The following WDR70 variants were observed in gnomAD, a reference collection of about 807,000 sequenced individuals.
WDR70 encodes WD repeat-containing protein 70.
A neutral mutation model predicts 88.6 loss-of-function variants in WDR70; 53 were observed. The observed-to-expected ratio is 0.60, with a 90% CI of 0.48 to 0.75. The LOEUF (loss-of-function observed/expected upper bound fraction) is 0.75. Ranked by LOEUF, WDR70 falls within the 30% of genes least tolerant of loss-of-function variation. WDR70 has a pLI of 0.00. For missense variants in WDR70, 610 were observed against 823.2 expected, an observed-to-expected ratio of 0.74 and a Z score of 3.17; for synonymous variants, 280 against 270.0, an observed-to-expected ratio of 1.04 and a Z score of -0.36.
intron 13 of WDR70, among the ~76,000 whole-genome samples, chr5:37,708,574 A>G (rs13159969): frequency 0.43 from 65,719 of 151,988 alleles, 15,845 homozygotes; most frequent in Non-Finnish European, 0.54. Context: ...AAGAGAGAAT[A>G]TTGATGTTTT....
chr5:37,688,144 T>A (rs573817321), intron 10 of WDR70: 1 of 411,990 alleles, frequency 2.4e-6, no homozygotes, highest in East Asian at 3.5e-5. Context: ...AATTGAATGA[T>A]AAAGTATTAT....
At chr5:37,514,504 C>T (rs1003457640) in intron 8 of WDR70, among the ~76,000 whole-genome samples, 23 of 150,722 alleles carry the variant, frequency 1.5e-4, no homozygotes, top group Admixed American at 7.9e-4. Context: ...GGTATTAACC[C>T]CAGCATCCAT....
intron 7 of WDR70, among the ~76,000 whole-genome samples, chr5:37,461,339 C>T: frequency 6.6e-6 from 1 of 152,098 alleles, no homozygotes; most frequent in Non-Finnish European, 1.5e-5. Context: ...CTTGTATCTC[C>T]TTACCTTCTT....
At chr5:37,677,019 CAT>C (rs1746247119) in intron 10 of WDR70, among the ~76,000 whole-genome samples, 1 of 152,160 alleles carries the variant, frequency 6.6e-6, no homozygotes. Flanking sequence ...AGTTTATTTG[CAT>C]AGAGGTGTTT....
intron 9 of WDR70, among the ~76,000 whole-genome samples, chr5:37,574,790 T>G (rs1344706835): frequency 6.6e-6 from 1 of 152,222 alleles, no homozygotes; most frequent in Non-Finnish European, 1.5e-5. Context: ...CATGTATTAA[T>G]AATTGACTAG....
At chr5:37,622,583 C>A (rs1207673203) in intron 10 of WDR70, among the ~76,000 whole-genome samples, 1 of 152,120 alleles carries the variant, frequency 6.6e-6, no homozygotes, top group Non-Finnish European at 1.5e-5. Context: ...GAGTTCATGT[C>A]CTTTGTAGGG....
At chr5:37,686,858 A>G (rs895880128) in intron 10 of WDR70, among the ~76,000 whole-genome samples, 3 of 150,984 alleles carry the variant, frequency 2.0e-5, no homozygotes, top group African/African-American at 7.3e-5. Flanking sequence ...GATATTCTCC[A>G]AATCATAGTG....
intron 2 of WDR70, 36 bp downstream of exon 2, chr5:37,379,590 G>C (rs745590955): frequency 6.2e-7 from 1 of 1,610,960 alleles, no homozygotes; most frequent in Admixed American, 1.7e-5. Context: ...CCTCTTCCTT[G>C]TGCAGAGGTT....
intron 10 of WDR70, among the ~76,000 whole-genome samples, chr5:37,638,017 C>T (rs1406599247): frequency 6.6e-6 from 1 of 152,114 alleles, no homozygotes; most frequent in African/African-American, 2.4e-5. Context: ...CAGCCTGGTT[C>T]TGAGTCTGGA....
chr5:37,691,582 G>A lies in WDR70; in HGVS notation c.1093-6073G>A, dbSNP rs554056406. Among the ~76,000 whole-genome samples, 3 of 152,272 alleles carry A rather than the reference G, an allele frequency of 2.0e-5. No individual in the cohort carries two copies. The East Asian group carries it at 5.8e-4, about 29-fold the overall frequency. On this transcript the variant is annotated intron_variant, in intron 10 of 17. Transcript: ENST00000265107. ...TCACTCAAAACTGCACAAGTACATG[G>A]AAACTGAACAACCTGCTCCTGAATG...
intron 9 of WDR70, among the ~76,000 whole-genome samples, chr5:37,557,000 T>A (rs1420979691): frequency 6.6e-6 from 1 of 152,342 alleles, no homozygotes; most frequent in East Asian, 1.9e-4. Context: ...TTCACTGGGC[T>A]TAATATTTCG....
At chr5:37,535,166 A>T (rs1002622369) in intron 9 of WDR70, among the ~76,000 whole-genome samples, 1 of 152,134 alleles carries the variant, frequency 6.6e-6, no homozygotes, top group Non-Finnish European at 1.5e-5. Flanking sequence ...AACGATAAAG[A>T]GTAGGAGAGA....
chr5:37,466,694 A>C (rs1286315457), intron 7 of WDR70, among the ~76,000 whole-genome samples: 1 of 119,922 alleles, frequency 8.3e-6, no homozygotes, highest in Non-Finnish European at 1.7e-5. Context: ...CGACAGAGCG[A>C]GACTCCATCT....
intron 10 of WDR70, among the ~76,000 whole-genome samples, chr5:37,690,725 G>A (rs1245497897): frequency 1.3e-5 from 2 of 152,164 alleles, no homozygotes; most frequent in Non-Finnish European, 2.9e-5. Context: ...AACATGAAAA[G>A]AAATAACCAG....
chr5:37,530,773 G>GTT (rs57043165), intron 9 of WDR70, among the ~76,000 whole-genome samples: 3,427 of 127,874 alleles, frequency 0.027, 135 homozygotes, highest in African/African-American at 0.09. Context: ...TTTATCTTTT[G>GTT]TTTTTTTTTT....
At position 37,417,639 on chromosome 5, in the gene WDR70, A is replaced by T. The variant is rs188970387; in HGVS notation, c.493-20283A>T. 4.6e-5 allele frequency among the ~76,000 whole-genome samples: 7 copies of T among 151,904 alleles called. No individual in the cohort carries two copies. The East Asian group carries it at 1.4e-3, about 29-fold the overall frequency. On this transcript the variant is annotated intron_variant, in intron 5 of 17. Coordinates refer to ENST00000265107, the MANE Select transcript of WDR70 (RefSeq NM_018034.4). The stretch of plus-strand genomic sequence containing the variant: ...CTGTGACCTCAAATTCCTGGGCTTA[A>T]GTGATTCTCCTGTCTCAGCCTTCTG...
rs1398935896 is a variant in WDR70 at position 37,450,821 on chromosome 5, C to T, written c.686+7449C>T. Among the ~76,000 whole-genome samples the T allele has an allele frequency of 2.0e-5, 3 of 152,074 alleles. No individual in the cohort carries two copies. The East Asian group carries it at 5.8e-4, about 29-fold the overall frequency. On this transcript the variant is annotated intron_variant, in intron 7 of 17. Transcript: ENST00000265107. ...CACAAATGGTCTTTGTTAAATTTAT[C>T]TGTGTGTGTATATATTTATGTGTGT...
intron 10 of WDR70, among the ~76,000 whole-genome samples, chr5:37,664,831 G>T (rs1745793312): frequency 6.6e-6 from 1 of 152,190 alleles, no homozygotes; most frequent in Non-Finnish European, 1.5e-5. Flanking sequence ...TTAATTGGTT[G>T]TTCTTCTATA....
intron 9 of WDR70, among the ~76,000 whole-genome samples, chr5:37,572,968 C>T (rs1013677917): frequency 6.6e-6 from 1 of 152,182 alleles, no homozygotes; most frequent in Non-Finnish European, 1.5e-5. Flanking sequence ...AATTTAAACT[C>T]TTTTCCATCT....
Sources: gnomAD v4.1 joint callset for allele counts (sites outside exome capture counted in the v4.1 genomes callset) on GRCh38, gnomAD v4.1.1 for gene constraint, MANE v1.5 for transcripts, NCBI Gene and HGNC (gene_info 2026-07-23, HGNC 2026-07-21) for gene names.